CCN2: variants seen among roughly 807,000 people sequenced by gnomAD.
The protein encoded by CCN2 is CCN family member 2.
In CCN2, 22 loss-of-function variants were observed where a neutral mutation model predicts 33.2. That is an observed-to-expected ratio of 0.66 (90% CI 0.47 to 0.95). The LOEUF (loss-of-function observed/expected upper bound fraction) is 0.95, where lower values mean the gene tolerates loss of function less well. Ranked by LOEUF, CCN2 falls within the 40% of genes least tolerant of loss-of-function variation. The probability of loss-of-function intolerance (pLI) is 0.00; values close to 1 mark genes in which losing one functional copy is unlikely to be tolerated. For synonymous variants in CCN2, 178 were observed against 200.6 expected, an observed-to-expected ratio of 0.89 and a Z score of 0.95; for missense variants, 469 against 498.8, an observed-to-expected ratio of 0.94 and a Z score of 0.57.
Position 131,950,129 on chromosome 6 carries a change from G to T in CCN2, c.573C>A (p.Asp191Glu). ...AYRLEDTFGPDPTMIRANCLV... is the reference protein window; with the variant it reads ...AYRLEDTFGPEPTMIRANCLV... Reference sequence around the variant, plus strand: ...GGCAGTTGGCTCTAATCATAGTTGGGTCTGGGCCAAACGTGTCTTCCAGTC... The same window carrying T: ...GGCAGTTGGCTCTAATCATAGTTGGTTCTGGGCCAAACGTGTCTTCCAGTC... The change falls in exon 4 of 5, where the codon GAC becomes GAA. Residue 191 changes from aspartate (D) to glutamate (E), a missense_variant. Coordinates refer to ENST00000367976, the MANE Select transcript of CCN2 (RefSeq NM_001901.4). The surrounding 1 kb of genome is among the most constrained non-coding windows in gnomAD (Gnocchi z 7.1). The T allele has an allele frequency of 1.2e-6, 2 of 1,614,224 alleles. No individual in the cohort carries two copies. The highest frequency in any genetic ancestry group is 1.3e-5 in the African/African-American group (1 of 75,060).
At position 131,951,225 on chromosome 6, in the gene CCN2, C is replaced by T. The variant is rs758366463; in HGVS notation, c.-53G>A. 3.7e-4 allele frequency: 463 copies of T among 1,258,442 alleles called. 2 individuals are homozygous for T. The highest frequency in any genetic ancestry group is 7.1e-4 in the South Asian group (24 of 33,574). 78.0% of individuals were successfully genotyped at this position (1,258,442 alleles called of 1,614,324 possible). ...CGCGGTGGCGGCGAGCGGGGAGCGG[C>T]GGGGCCTGGAGCGCTGGCGGTGGTC... On this transcript the variant is annotated 5_prime_UTR_variant, in exon 1 of 5. Transcript: ENST00000367976.
Position 131,951,237 on chromosome 6 carries a change from C to A in CCN2, c.-65G>T. 1 of 1,233,296 alleles carries A rather than the reference C, an allele frequency of 8.1e-7. No individual in the cohort carries two copies. The highest frequency in any genetic ancestry group is 1.0e-6 in the Non-Finnish European group (1 of 985,538). The allele number at this position is 1,233,296 out of a possible 1,614,324, so 76.4% of individuals were successfully genotyped here. A position where few individuals can be genotyped will look rare whatever the true frequency, so the allele number is the denominator to read the frequency against. On this transcript the variant is annotated 5_prime_UTR_variant, in exon 1 of 5. Transcript: ENST00000367976. The stretch of plus-strand genomic sequence containing the variant: ...GAGCGGGGAGCGGCGGGGCCTGGAG[C>A]GCTGGCGGTGGTCGGAGGTGGGGAC...
chr6:131,950,100 A>G lies in CCN2; in HGVS notation c.602T>C (p.Val201Ala). 1 of 1,614,214 alleles carries G rather than the reference A, an allele frequency of 6.2e-7. No homozygotes were observed. The highest frequency in any genetic ancestry group is 8.5e-7 in the Non-Finnish European group (1 of 1,180,042). The stretch of plus-strand genomic sequence containing the variant: ...ACAGGCGCTCCACTCTGTGGTCTGG[A>G]CCAGGCAGTTGGCTCTAATCATAGT... The part of the protein sequence containing the change: ...DPTMIRANCL[V>A]QTTEWSACSK... Residue 201 changes from valine (V) to alanine (A), a missense_variant, in exon 4 of 5, where the codon GTC (valine) becomes GCC (alanine). Transcript: ENST00000367976. This position sits in a 1 kb window ranked among gnomAD's most constrained non-coding sequence, Gnocchi z 7.1.
Position 131,951,309 on chromosome 6 carries a change from G to T in CCN2, c.-137C>A. 1 of 690,638 alleles carries T rather than the reference G, an allele frequency of 1.4e-6. No individual in the cohort carries two copies. The highest frequency in any genetic ancestry group is 2.0e-6 in the Non-Finnish European group (1 of 500,266). The allele number at this position is 690,638 out of a possible 1,614,324, so 42.8% of individuals were successfully genotyped here. A position where few individuals can be genotyped will look rare whatever the true frequency, so the allele number is the denominator to read the frequency against. On this transcript the variant is annotated 5_prime_UTR_variant, in exon 1 of 5. Transcript: ENST00000367976. ...CTCGGGGCTGTCGGCCGGGGCGGCT[G>T]CCGTCGAGCTGGAGGGTGGAGTCGC...
Position 131,950,648 on chromosome 6 carries a change from G to A in CCN2, c.290-105C>T, listed in dbSNP as rs1783091740. 3 of 1,532,208 alleles carry A rather than the reference G, an allele frequency of 2.0e-6. No individual in the cohort carries two copies. Among genetic ancestry groups the A allele is most frequent in the South Asian group, 1.2e-5 (1 of 80,652 alleles). The allele number at this position is 1,532,208 out of a possible 1,614,324, so 94.9% of individuals were successfully genotyped here. On this transcript the variant is annotated intron_variant, in intron 2 of 4. Coordinates refer to ENST00000367976, the MANE Select transcript of CCN2 (RefSeq NM_001901.4). The surrounding 1 kb of genome is among the most constrained non-coding windows in gnomAD (Gnocchi z 7.1). Reference sequence around the variant, plus strand: ...GATGCGAGTTGGGATCTGGGCTGCAGGGGGCGGGCTGGCAGCAGCTGGAGA... The same window carrying A: ...GATGCGAGTTGGGATCTGGGCTGCAAGGGGCGGGCTGGCAGCAGCTGGAGA...
chr6:131,950,927 C>T lies in CCN2; in HGVS notation c.132G>A (p.Pro44=), dbSNP rs760642979. The T allele has an allele frequency of 1.2e-5, 18 of 1,451,850 alleles. No homozygotes were observed. The South Asian group carries it at 2.4e-4, about 19-fold the overall frequency. The allele number at this position is 1,451,850 out of a possible 1,614,324, so 89.9% of individuals were successfully genotyped here. A position where few individuals can be genotyped will look rare whatever the true frequency, so the allele number is the denominator to read the frequency against. The part of the protein sequence containing the change: ...RCPDEPAPRC[P]AGVSLVLDGC... ...CGTCCAGCACGAGGCTCACGCCCGC[C>T]GGGCAGCGCGGCGCCGGCTCGTCCG... Residue 44 remains proline, a synonymous_variant, in exon 2 of 5, where the codon CCG becomes CCA. Transcript: ENST00000367976. This position sits in a 1 kb window ranked among gnomAD's most constrained non-coding sequence, Gnocchi z 7.1.
At chr6:131,951,029 G>T (rs979249373) in intron 1 of CCN2, 37 bp from the exon 2 acceptor site, 2 of 1,255,414 alleles carry the variant, frequency 1.6e-6, no homozygotes, top group Non-Finnish European at 2.0e-6. Flanking sequence ...GCGCTCGGTC[G>T]GCGCGCACGC....
At position 131,950,255 on chromosome 6, in the gene CCN2, G is replaced by A; in HGVS notation, c.541+37C>T. 1 of 1,610,322 alleles carries A rather than the reference G, an allele frequency of 6.2e-7. No individual in the cohort carries two copies. Among genetic ancestry groups the A allele is most frequent in the Non-Finnish European group, 8.5e-7 (1 of 1,177,038 alleles). On this transcript the variant is annotated intron_variant, in intron 3 of 4. Transcript: ENST00000367976. This position sits in a 1 kb window ranked among gnomAD's most constrained non-coding sequence, Gnocchi z 7.1. ...CAGTTAGGACTCCCTCCCTGGGAGA[G>A]AATCACGACCCTGACTTAGAGGAAG...
In CCN2 at chr6:131,950,142, G is replaced by A; in HGVS notation, c.560C>T (p.Thr187Met). The change falls in exon 4 of 5, where the codon ACG becomes ATG. Residue 187 changes from threonine to methionine, a missense_variant. By Grantham distance (81) the Thr-to-Met change is moderately conservative (BLOSUM62 -1). Transcript: ENST00000367976. The surrounding 1 kb of genome is among the most constrained non-coding windows in gnomAD (Gnocchi z 7.1). ...AATCATAGTTGGGTCTGGGCCAAAC[G>A]TGTCTTCCAGTCGGTAAGCTGCGAG... ...PALAAYRLED[T>M]FGPDPTMIRA... 2 of 1,614,232 alleles carry A rather than the reference G, an allele frequency of 1.2e-6. No homozygotes were observed. The highest frequency in any genetic ancestry group is 8.5e-7 in the Non-Finnish European group (1 of 1,180,050).
chr6:131,949,366 GTTC>G lies in CCN2; in HGVS notation c.945_947del (p.Lys315del), dbSNP rs750494815. 21 of 1,614,076 alleles carry G rather than the reference GTTC, an allele frequency of 1.3e-5. No individual in the cohort carries two copies. Among genetic ancestry groups the G allele is most frequent in the East Asian group, 2.2e-5 (1 of 44,892 alleles). On this transcript the variant is annotated inframe_deletion, in exon 5 of 5. Transcript: ENST00000367976. ...AGGCACAGGTCTTGATGAACATCATGTTCTTCTTCATGACCTCGCCGTCAGGGC... is the reference window on the plus strand; with the variant it reads ...AGGCACAGGTCTTGATGAACATCATGTTCTTCATGACCTCGCCGTCAGGGC...
intron 1 of CCN2, 48 bp downstream of exon 1, chr6:131,951,059 G>A: frequency 7.8e-7 from 1 of 1,281,508 alleles, no homozygotes; most frequent in Non-Finnish European, 9.8e-7. Context: ...CCGGCCCCGA[G>A]TCCCTCCCTG....
chr6:131,950,863 C>G lies in CCN2; in HGVS notation c.196G>C (p.Glu66Gln). ...CATGGGTCGCGCTCGGTGCACAGCT[C>G]GCCCAGCTGCTTGGCGCAGACGCGG... is the stretch of plus-strand genomic sequence containing the variant. Reference protein sequence around the residue: ...CCRVCAKQLGELCTERDPCDP... With the variant: ...CCRVCAKQLGQLCTERDPCDP... The change falls in exon 2 of 5, where the codon GAG (glutamate) becomes CAG (glutamine). Residue 66 changes from glutamate (E) to glutamine (Q), a missense_variant. By Grantham distance (29) the Glu-to-Gln change is conservative. Transcript: ENST00000367976. The surrounding 1 kb of genome is among the most constrained non-coding windows in gnomAD (Gnocchi z 7.1). 2 of 1,533,772 alleles carry G rather than the reference C, an allele frequency of 1.3e-6. No individual in the cohort carries two copies. Among genetic ancestry groups the G allele is most frequent in the South Asian group, 2.4e-5 (2 of 83,940 alleles).
Position 131,950,893 on chromosome 6 carries a change from A to G in CCN2, c.166T>C (p.Cys56Arg). 6.5e-7 allele frequency: 1 copy of G among 1,529,162 alleles called. No individual in the cohort carries two copies. The highest frequency in any genetic ancestry group is 8.7e-7 in the Non-Finnish European group (1 of 1,144,694). 94.7% of individuals were successfully genotyped at this position (1,529,162 alleles called of 1,614,324 possible). The change falls in exon 2 of 5, where the codon TGC becomes CGC. Residue 56 changes from cysteine (C) to arginine (R), a missense_variant. Physicochemically the swap from Cys to Arg is radical, Grantham distance 180. Transcript: ENST00000367976. This position sits in a 1 kb window ranked among gnomAD's most constrained non-coding sequence, Gnocchi z 7.1. The part of the protein sequence containing the change: ...GVSLVLDGCG[C>R]CRVCAKQLGE... ...AGCTGCTTGGCGCAGACGCGGCAGC[A>G]GCCGCAGCCGTCCAGCACGAGGCTC...
chr6:131,949,233 C>A lies in CCN2; in HGVS notation c.*31G>T, dbSNP rs973282488. 3 of 1,579,838 alleles carry A rather than the reference C, an allele frequency of 1.9e-6. No homozygotes were observed. The highest frequency in any genetic ancestry group is 1.1e-5 in the South Asian group (1 of 90,336). ...GATGTGAATCAGTTCAAGTTCCAGT[C>A]TAATGAGTTAATGTCTCTCACTCTC... On this transcript the variant is annotated 3_prime_UTR_variant, in exon 5 of 5. Coordinates refer to ENST00000367976, the MANE Select transcript of CCN2 (RefSeq NM_001901.4).
At position 131,950,913 on chromosome 6, in the gene CCN2, A is replaced by G; in HGVS notation, c.146T>C (p.Leu49Pro). 1 of 1,498,500 alleles carries G rather than the reference A, an allele frequency of 6.7e-7. No individual in the cohort carries two copies. The highest frequency in any genetic ancestry group is 2.2e-5 in the Admixed American group (1 of 45,964). 92.8% of individuals were successfully genotyped at this position (1,498,500 alleles called of 1,614,324 possible). A position where few individuals can be genotyped will look rare whatever the true frequency, so the allele number is the denominator to read the frequency against. The change falls in exon 2 of 5, where the codon CTC (leucine) becomes CCC (proline). Residue 49 changes from leucine to proline, a missense_variant. By Grantham distance (98) the Leu-to-Pro change is moderately conservative. Transcript: ENST00000367976. This position sits in a 1 kb window ranked among gnomAD's most constrained non-coding sequence, Gnocchi z 7.1. The part of the protein sequence containing the change: ...PAPRCPAGVS[L>P]VLDGCGCCRV... ...GCAGCAGCCGCAGCCGTCCAGCACG[A>G]GGCTCACGCCCGCCGGGCAGCGCGG...
Position 131,950,521 on chromosome 6 carries a change from G to T in CCN2, c.312C>A (p.Ile104=), listed in dbSNP as rs1382437097. 18 of 1,613,692 alleles carry T rather than the reference G, an allele frequency of 1.1e-5. No homozygotes were observed. The highest frequency in any genetic ancestry group is 1.5e-5 in the Non-Finnish European group (18 of 1,179,942). Reference sequence around the variant, plus strand: ...CGCTGCGGTACACCGTACCACCGAAGATGCAGGGAGCACCATCTTTGGCTG... The same window carrying T: ...CGCTGCGGTACACCGTACCACCGAATATGCAGGGAGCACCATCTTTGGCTG... The part of the protein sequence containing the change: ...VCTAKDGAPC[I]FGGTVYRSGE... Residue 104 remains isoleucine, a synonymous_variant, in exon 3 of 5, where the codon ATC becomes ATA. Coordinates refer to ENST00000367976, the MANE Select transcript of CCN2 (RefSeq NM_001901.4). The surrounding 1 kb of genome is among the most constrained non-coding windows in gnomAD (Gnocchi z 7.1).
chr6:131,951,041 C>A, intron 1 of CCN2, 49 bp from the exon 2 acceptor site: 2 of 1,260,028 alleles, frequency 1.6e-6, no homozygotes, highest in Non-Finnish European at 2.0e-6. Context: ...CGCGCACGCC[C>A]TCCCCGGCCG....
chr6:131,948,505 G>A lies in CCN2; in HGVS notation c.*759C>T, dbSNP rs1003495745. 7 of 152,532 alleles carry A rather than the reference G, an allele frequency of 4.6e-5. No homozygotes were observed. The highest frequency in any genetic ancestry group is 1.4e-4 in the African/African-American group (6 of 41,406). The allele number at this position is 152,532 out of a possible 1,614,324, so 9.4% of individuals were successfully genotyped here. A position where few individuals can be genotyped will look rare whatever the true frequency, so the allele number is the denominator to read the frequency against. On this transcript the variant is annotated 3_prime_UTR_variant, in exon 5 of 5. Coordinates refer to ENST00000367976, the MANE Select transcript of CCN2 (RefSeq NM_001901.4). ...TAAGTATCCATTTCATGCTTTGAACGATCAGACAAGCTTTACATTCTACCT... is the reference window on the plus strand; with the variant it reads ...TAAGTATCCATTTCATGCTTTGAACAATCAGACAAGCTTTACATTCTACCT...
rs1406509706 is a variant in CCN2 at position 131,949,245 on chromosome 6, T to G, written c.*19A>C. On this transcript the variant is annotated 3_prime_UTR_variant, in exon 5 of 5. Transcript: ENST00000367976. ...TTCAAGTTCCAGTCTAATGAGTTAA[T>G]GTCTCTCACTCTCTGGCTTCATGCC... The G allele has an allele frequency of 3.1e-6, 5 of 1,602,536 alleles. No individual in the cohort carries two copies. The highest frequency in any genetic ancestry group is 4.3e-6 in the Non-Finnish European group (5 of 1,170,188).
Sources: gnomAD v4.1 joint callset for allele counts on GRCh38, gnomAD v4.1.1 for gene constraint, Gnocchi (gnomAD v3.1) non-coding constraint, MANE v1.5 for transcripts, NCBI Gene and HGNC (gene_info 2026-07-23, HGNC 2026-07-21) for gene names.